TNFSF4: variants seen among roughly 807,000 people sequenced by gnomAD.
TNFSF4 encodes the protein TNF superfamily member 4, also known as tumor necrosis factor ligand superfamily member 4.
In TNFSF4, 4 loss-of-function variants were observed where a neutral mutation model predicts 7.3. The ratio of observed to expected loss-of-function variants is 0.55; its 90% confidence interval spans 0.27 to 1.25. The LOEUF is 1.25. TNFSF4 is among the 50% of genes most tolerant of loss of function. TNFSF4 has a pLI of 0.12. For synonymous variants in TNFSF4, 76 were observed against 83.7 expected, an observed-to-expected ratio of 0.91 and a Z score of 0.50; for missense variants, 181 against 208.8, an observed-to-expected ratio of 0.87 and a Z score of 0.82.
the TNFSF4 span, among the ~76,000 whole-genome samples, chr1:173,328,568 A>C: frequency 4.0e-5 from 6 of 148,500 alleles, no homozygotes; most frequent in Non-Finnish European, 6.0e-5. Context: ...ACCCCCCCCC[A>C]AAAAAAAAAC....
At chr1:173,322,830 G>C in the TNFSF4 span, among the ~76,000 whole-genome samples, 10 of 152,168 alleles carry the variant, frequency 6.6e-5, no homozygotes, top group Admixed American at 4.6e-4. Context: ...GCAGCAGCGA[G>C]GCTTGGGGAG....
At chr1:173,346,199 C>T in the TNFSF4 span, among the ~76,000 whole-genome samples, 1 of 152,168 alleles carries the variant, frequency 6.6e-6, no homozygotes, top group Non-Finnish European at 1.5e-5. Context: ...GACACTTAAG[C>T]AAGCTCTTCA....
chr1:173,439,622 A>G, the TNFSF4 span, among the ~76,000 whole-genome samples: 1 of 152,218 alleles, frequency 6.6e-6, no homozygotes, highest in Non-Finnish European at 1.5e-5. Flanking sequence ...GAAGAGAAGA[A>G]AGTTGTATGT....
chr1:173,308,905 G>C, the TNFSF4 span, among the ~76,000 whole-genome samples: 4 of 151,912 alleles, frequency 2.6e-5, no homozygotes, highest in Non-Finnish European at 5.9e-5. Context: ...AAGCTGTATT[G>C]ATGTTTATAA....
At chr1:173,369,963 C>G in the TNFSF4 span, among the ~76,000 whole-genome samples, 1 of 152,028 alleles carries the variant, frequency 6.6e-6, no homozygotes, top group African/African-American at 2.4e-5. Flanking sequence ...AATGATGAGC[C>G]TCCTCTAATC....
the TNFSF4 span, among the ~76,000 whole-genome samples, chr1:173,371,125 G>A: frequency 6.6e-6 from 1 of 152,166 alleles, no homozygotes; most frequent in African/African-American, 2.4e-5. Context: ...TTTGACCATT[G>A]AGGGCCAGGA....
chr1:173,374,203 C>T, the TNFSF4 span, among the ~76,000 whole-genome samples: 1 of 152,110 alleles, frequency 6.6e-6, no homozygotes, highest in African/African-American at 2.4e-5. Flanking sequence ...CAGGAAATGG[C>T]CAACTTGGTC....
the TNFSF4 span, among the ~76,000 whole-genome samples, chr1:173,341,030 G>C: frequency 6.6e-6 from 1 of 152,020 alleles, no homozygotes; most frequent in Admixed American, 6.6e-5. Flanking sequence ...GTTTTATAAG[G>C]GGCTTTTCCC....
At chr1:173,322,173 G>A in the TNFSF4 span, among the ~76,000 whole-genome samples, 1 of 152,180 alleles carries the variant, frequency 6.6e-6, no homozygotes, top group Non-Finnish European at 1.5e-5. Flanking sequence ...CAGGGGTGTG[G>A]ATGAAGCTGG....
At chr1:173,216,671 A>C in the TNFSF4 span, among the ~76,000 whole-genome samples, 3 of 152,118 alleles carry the variant, frequency 2.0e-5, no homozygotes, top group East Asian at 5.8e-4. Flanking sequence ...TTACCACTGT[A>C]TACAGTTTGT....
At chr1:173,330,806 C>T in the TNFSF4 span, among the ~76,000 whole-genome samples, 2 of 151,814 alleles carry the variant, frequency 1.3e-5, no homozygotes, top group African/African-American at 2.4e-5. Flanking sequence ...TATTCTTACC[C>T]CTATTTAGCA....
At chr1:173,443,140 T>C in the TNFSF4 span, among the ~76,000 whole-genome samples, 2 of 152,214 alleles carry the variant, frequency 1.3e-5, no homozygotes, top group Admixed American at 6.5e-5. Flanking sequence ...CCGCTGGCCA[T>C]GTATATCAAA....
the TNFSF4 span, among the ~76,000 whole-genome samples, chr1:173,237,395 G>A: frequency 5.9e-5 from 9 of 151,978 alleles, no homozygotes; most frequent in African/African-American, 1.9e-4. Flanking sequence ...AAAATAATAG[G>A]AGCCAGGCCA....
rs1649127889 is a variant in TNFSF4, at chr1:173,184,208, G to C, written c.*2308C>G. 1 of 152,210 alleles carries C rather than the reference G, an allele frequency of 6.6e-6. No individual in the cohort carries two copies. Among genetic ancestry groups the C allele is most frequent in the South Asian group, 2.1e-4 (1 of 4,826 alleles). The allele number at this position is 152,210 out of a possible 1,614,324, so 9.4% of individuals were successfully genotyped here. On this transcript the variant is annotated 3_prime_UTR_variant, in exon 3 of 3. Coordinates refer to ENST00000281834, the MANE Select transcript of TNFSF4 (RefSeq NM_003326.5). ...CAGAAATGGGAAATGACTTTCCCAA[G>C]GTTACATGGCTAGTTAGTGGCTAAG...
At chr1:173,369,655 G>C in the TNFSF4 span, among the ~76,000 whole-genome samples, 1 of 152,064 alleles carries the variant, frequency 6.6e-6, no homozygotes, top group Non-Finnish European at 1.5e-5. Context: ...GGGACCAACT[G>C]GACTCATAAA....
the TNFSF4 span, among the ~76,000 whole-genome samples, chr1:173,326,959 A>T: frequency 2.6e-5 from 4 of 152,122 alleles, no homozygotes; most frequent in Non-Finnish European, 4.4e-5. Context: ...AATTTATAGA[A>T]TCAATGCCAT....
At chr1:173,436,243 G>C in the TNFSF4 span, among the ~76,000 whole-genome samples, 2 of 152,144 alleles carry the variant, frequency 1.3e-5, no homozygotes, top group Non-Finnish European at 2.9e-5. Context: ...AGAAGCGAAG[G>C]CAGCCAATAA....
chr1:173,385,277 G>T, the TNFSF4 span, among the ~76,000 whole-genome samples: 2 of 152,064 alleles, frequency 1.3e-5, no homozygotes, highest in Non-Finnish European at 2.9e-5. Flanking sequence ...TCCAAACACC[G>T]GTGAATTGTT....
the TNFSF4 span, among the ~76,000 whole-genome samples, chr1:173,234,509 A>G: frequency 1.3e-5 from 2 of 152,220 alleles, no homozygotes; most frequent in Admixed American, 6.5e-5. Context: ...TGTTTATTGC[A>G]GCACTATTCA....
Sources: gnomAD v4.1 joint callset for allele counts (sites outside exome capture counted in the v4.1 genomes callset) on GRCh38, gnomAD v4.1.1 for gene constraint, MANE v1.5 for transcripts, NCBI Gene and HGNC (gene_info 2026-07-23, HGNC 2026-07-21) for gene names.